The following THSD4 variants were observed in gnomAD, a reference collection of about 807,000 sequenced individuals.
The protein encoded by THSD4 is thrombospondin type 1 domain containing 4.
Under a neutral mutation model 119.0 loss-of-function variants are expected in THSD4, and 69 were observed. The ratio of observed to expected loss-of-function variants is 0.58; its 90% CI spans 0.48 to 0.71. THSD4 has a LOEUF of 0.71. THSD4 is among the 30% of genes least tolerant of loss of function. The probability of loss-of-function intolerance (pLI) is 0.00; values close to 1 mark genes in which losing one functional copy is unlikely to be tolerated. For synonymous variants in THSD4, 524 were observed against 540.4 expected, an observed-to-expected ratio of 0.97 and a Z score of 0.42; for missense variants, 1,393 against 1,391.1, an observed-to-expected ratio of 1.00 and a Z score of -0.02.
Position 71,418,662 on chromosome 15 carries a change from T to A in THSD4, c.1152+6839T>A, listed in dbSNP as rs1463055107. 1.8e-5 allele frequency among the ~76,000 whole-genome samples: 2 copies of A among 109,410 alleles called. 1 individual carries two copies. Among genetic ancestry groups the A allele is most frequent in the African/African-American group, 6.2e-5 (2 of 32,306 alleles). The allele number at this position is 109,410 out of a possible 152,430, so 71.8% of individuals were successfully genotyped here. A position where few individuals can be genotyped will look rare whatever the true frequency, so the allele number is the denominator to read the frequency against. Reference sequence around the variant, plus strand: ...TGTGTTGTTGAATTTAGTTTGCTAGTTTTTTTCTGAAGGATTTTTACATCA... The same window carrying A: ...TGTGTTGTTGAATTTAGTTTGCTAGATTTTTTCTGAAGGATTTTTACATCA... On this transcript the variant is annotated intron_variant, in intron 7 of 17. Transcript: ENST00000261862.
At chr15:71,132,963 A>T (rs1209365824) in intron 1 of THSD4, among the ~76,000 whole-genome samples, 12 of 152,226 alleles carry the variant, frequency 7.9e-5, no homozygotes. Flanking sequence ...GCTTTTGGCC[A>T]AGGCAGCTGG....
At chr15:71,642,209 G>A (rs1408223523) in intron 7 of THSD4, among the ~76,000 whole-genome samples, 1 of 152,140 alleles carries the variant, frequency 6.6e-6, no homozygotes, top group Non-Finnish European at 1.5e-5. Context: ...AAGTTACCAG[G>A]CACCCAGGAG....
chr15:71,714,116 G>T (rs558621559), intron 8 of THSD4, among the ~76,000 whole-genome samples: 1 of 152,258 alleles, frequency 6.6e-6, no homozygotes, highest in South Asian at 2.1e-4. Flanking sequence ...CAAAAACCGT[G>T]ATTACTTTTG....
chr15:71,243,100 A>G lies in THSD4; in HGVS notation c.912+4A>G. 1.9e-6 allele frequency: 3 copies of G among 1,608,500 alleles called. No homozygotes were observed. The highest frequency in any genetic ancestry group is 1.7e-6 in the Non-Finnish European group (2 of 1,176,946). On this transcript the variant is annotated splice_donor_region_variant and intron_variant, in intron 5 of 17. Transcript: ENST00000261862. ...GTACAAGCTGTGCAACACCAACGTG[A>G]GTACACACAACCCATACCGGGCCTG...
At chr15:71,694,326 T>A (rs2052118225) in intron 8 of THSD4, among the ~76,000 whole-genome samples, 1 of 152,360 alleles carries the variant, frequency 6.6e-6, no homozygotes, top group African/African-American at 2.4e-5. Flanking sequence ...GATTTGGACC[T>A]GGTTAGCATT....
intron 7 of THSD4, among the ~76,000 whole-genome samples, chr15:71,653,478 C>T (rs148295707): frequency 1.1e-4 from 17 of 152,302 alleles, no homozygotes; most frequent in African/African-American, 3.9e-4. Flanking sequence ...TTGTTTGTCA[C>T]ACTGAGAGGG....
chr15:71,198,091 C>T (rs62016842), intron 3 of THSD4, among the ~76,000 whole-genome samples: 4,430 of 152,026 alleles, frequency 0.029, 87 homozygotes, highest in South Asian at 0.046. Flanking sequence ...CCTGTCTCTA[C>T]GAAAAATAAA....
chr15:71,651,879 C>A (rs1023662688), intron 7 of THSD4, among the ~76,000 whole-genome samples: 1 of 152,270 alleles, frequency 6.6e-6, no homozygotes, highest in East Asian at 1.9e-4. Flanking sequence ...GAGGTGCCAT[C>A]TTGTGGAGAA....
At chr15:71,253,836 CCTCT>C (rs994187131) in intron 5 of THSD4, among the ~76,000 whole-genome samples, 2 of 152,128 alleles carry the variant, frequency 1.3e-5, no homozygotes, top group African/African-American at 4.8e-5. Context: ...ACACTTTTAA[CCTCT>C]CTCTGTGTAT....
chr15:71,661,070 A>C (rs993197372), intron 8 of THSD4, among the ~76,000 whole-genome samples: 11 of 152,234 alleles, frequency 7.2e-5, no homozygotes, highest in African/African-American at 2.7e-4. Context: ...GAGACCAGCC[A>C]GTGTTTGTTC....
At chr15:71,640,419 C>G (rs564670274) in intron 7 of THSD4, among the ~76,000 whole-genome samples, 5 of 152,024 alleles carry the variant, frequency 3.3e-5, no homozygotes, top group Non-Finnish European at 7.4e-5. Flanking sequence ...AATTAGAGGG[C>G]CAACTGTGGC....
chr15:71,661,121 A>C (rs1382096989), intron 8 of THSD4, among the ~76,000 whole-genome samples: 1 of 152,150 alleles, frequency 6.6e-6, no homozygotes. Flanking sequence ...GATCCTATCT[A>C]TACCTTCACT....
At chr15:71,452,811 C>T (rs546582504) in intron 7 of THSD4, among the ~76,000 whole-genome samples, 2 of 152,186 alleles carry the variant, frequency 1.3e-5, no homozygotes, top group African/African-American at 4.8e-5. Flanking sequence ...GACGGGGTTT[C>T]ACCTTGTTGG....
chr15:71,244,511 C>T (rs2044182533), intron 5 of THSD4, among the ~76,000 whole-genome samples: 1 of 152,114 alleles, frequency 6.6e-6, no homozygotes, highest in African/African-American at 2.4e-5. Flanking sequence ...TGCTTTTTAG[C>T]TTATTCTTCC....
intron 7 of THSD4, among the ~76,000 whole-genome samples, chr15:71,626,393 C>A (rs937865419): frequency 6.6e-6 from 1 of 152,142 alleles, no homozygotes; most frequent in African/African-American, 2.4e-5. Flanking sequence ...TTCTTCCAGA[C>A]CCTCAGTGGA....
intron 3 of THSD4, among the ~76,000 whole-genome samples, chr15:71,214,600 G>A (rs1330672080): frequency 1.3e-5 from 2 of 152,230 alleles, no homozygotes; most frequent in African/African-American, 4.8e-5. Flanking sequence ...GGTGGCAGGG[G>A]TGTAATCATA....
At chr15:71,554,143 G>T (rs1164167606) in intron 7 of THSD4, among the ~76,000 whole-genome samples, 1 of 146,050 alleles carries the variant, frequency 6.8e-6, no homozygotes, top group Non-Finnish European at 1.5e-5. Context: ...AGGCTGGAGT[G>T]CAGTGGCACG....
chr15:71,359,982 G>C (rs1166104044), intron 6 of THSD4, among the ~76,000 whole-genome samples: 1 of 152,198 alleles, frequency 6.6e-6, no homozygotes, highest in Non-Finnish European at 1.5e-5. Flanking sequence ...CCCCAAAATT[G>C]AGTAGCTTAA....
At chr15:71,548,513 CAGGCTTGTTGCTCTGTTCA>C (rs1411049918) in intron 7 of THSD4, among the ~76,000 whole-genome samples, 3 of 152,206 alleles carry the variant, frequency 2.0e-5, no homozygotes, top group African/African-American at 7.2e-5. Flanking sequence ...GTGGTTTCAG[CAGGCTTGTTGCTCTGTTCA>C]AAACAGACAT....
Sources: allele counts gnomAD v4.1 joint callset (sites outside exome capture counted in the v4.1 genomes callset), GRCh38; gene constraint gnomAD v4.1.1; transcripts MANE v1.5; gene names NCBI Gene and HGNC (gene_info 2026-07-23, HGNC 2026-07-21).